Variants in CDH18 observed in about 807,000 individuals in gnomAD.
CDH18 encodes cadherin 18, also known as cadherin-18.
A neutral mutation model predicts 67.9 loss-of-function variants in CDH18; 31 were observed. That is an observed-to-expected ratio of 0.46 (90% CI 0.34 to 0.62). CDH18 has a LOEUF of 0.62. CDH18 is among the 20% of genes least tolerant of loss of function. The probability of loss-of-function intolerance (pLI) is 0.01; values close to 1 mark genes in which losing one functional copy is unlikely to be tolerated. For synonymous variants in CDH18, 362 were observed against 347.2 expected, an observed-to-expected ratio of 1.04 and a Z score of -0.48; for missense variants, 890 against 975.5, an observed-to-expected ratio of 0.91 and a Z score of 1.17.
chr5:19,526,729 A>G lies in CDH18; in HGVS notation c.1391-5951T>C, dbSNP rs1747802623. Among the ~76,000 whole-genome samples, 3 of 152,030 alleles carry G rather than the reference A, an allele frequency of 2.0e-5. No individual in the cohort carries two copies. In the South Asian group the frequency reaches 6.2e-4, roughly 31 times the overall value. On this transcript the variant is annotated intron_variant, in intron 9 of 12. Transcript: ENST00000382275. Reference sequence around the variant, plus strand: ...TTCTAGGGAATTTGGTAGATTTCTAATCTGATTATTCATATTCGAAAATTA... The same window carrying G: ...TTCTAGGGAATTTGGTAGATTTCTAGTCTGATTATTCATATTCGAAAATTA...
chr5:20,135,593 C>T (rs1381591304), intron 2 of CDH18, among the ~76,000 whole-genome samples: 4 of 152,164 alleles, frequency 2.6e-5, no homozygotes, highest in Non-Finnish European at 4.4e-5. Context: ...CTAATTCCTT[C>T]AGTTCAGCTC....
At chr5:20,171,048 TTA>T (rs200258321) in intron 2 of CDH18, among the ~76,000 whole-genome samples, 240 of 107,288 alleles carry the variant, frequency 2.2e-3, no homozygotes, top group South Asian at 3.2e-3. Flanking sequence ...CCTTTTTTTT[TTA>T]TATATATATA....
chr5:20,343,549 C>T (rs1355987263), intron 1 of CDH18, among the ~76,000 whole-genome samples: 5 of 152,098 alleles, frequency 3.3e-5, no homozygotes, highest in African/African-American at 1.2e-4. Context: ...AGACTGGATT[C>T]TCTTTACAGA....
intron 2 of CDH18, among the ~76,000 whole-genome samples, chr5:19,955,473 C>T (rs952093011): frequency 3.3e-5 from 5 of 152,068 alleles, no homozygotes; most frequent in African/African-American, 1.2e-4. Flanking sequence ...ATTTTATTCC[C>T]TTCCCTGTAT....
chr5:19,536,269 T>C (rs768792182), intron 9 of CDH18, among the ~76,000 whole-genome samples: 5 of 152,216 alleles, frequency 3.3e-5, no homozygotes, highest in Non-Finnish European at 5.9e-5. Flanking sequence ...GAAAAGAAAC[T>C]GTACATTTGT....
intron 3 of CDH18, among the ~76,000 whole-genome samples, chr5:19,761,683 T>C (rs1026927282): frequency 4.6e-5 from 7 of 152,126 alleles, no homozygotes; most frequent in Admixed American, 4.6e-4. Flanking sequence ...AATTTATAGA[T>C]TCAATGCCAT....
intron 2 of CDH18, among the ~76,000 whole-genome samples, chr5:20,108,887 G>A (rs1747218588): frequency 6.6e-6 from 1 of 152,154 alleles, no homozygotes; most frequent in Non-Finnish European, 1.5e-5. Context: ...TTCAACCTCT[G>A]TGCCTCAGTT....
intron 12 of CDH18, among the ~76,000 whole-genome samples, chr5:19,481,998 A>G (rs1219559476): frequency 6.6e-6 from 1 of 152,194 alleles, no homozygotes; most frequent in Non-Finnish European, 1.5e-5. Flanking sequence ...TAGTTATAGA[A>G]GCTCTTCATG....
intron 1 of CDH18, among the ~76,000 whole-genome samples, chr5:20,537,061 C>T (rs1344421201): frequency 6.6e-6 from 1 of 152,102 alleles, no homozygotes; most frequent in Admixed American, 6.6e-5. Context: ...GTGTCAGAAC[C>T]TGTTGGGCAA....
chr5:20,073,417 T>A (rs909883372), intron 2 of CDH18, among the ~76,000 whole-genome samples: 2 of 152,022 alleles, frequency 1.3e-5, no homozygotes, highest in Non-Finnish European at 2.9e-5. Context: ...TGCATTCAAG[T>A]CCAGTAGAAT....
intron 1 of CDH18, among the ~76,000 whole-genome samples, chr5:20,512,433 C>A (rs542251594): frequency 1.3e-5 from 2 of 152,210 alleles, no homozygotes; most frequent in Admixed American, 6.5e-5. Context: ...AGTTAAAAAT[C>A]TACAAGTGAT....
chr5:20,011,166 TA>T (rs1248049023), intron 2 of CDH18, among the ~76,000 whole-genome samples: 1 of 152,192 alleles, frequency 6.6e-6, no homozygotes, highest in Admixed American at 6.6e-5. Context: ...TGTAGAGATC[TA>T]TTGCTTCCCT....
chr5:19,990,241 C>T (rs1256208411), upstream of CDH18, among the ~76,000 whole-genome samples: 3 of 152,166 alleles, frequency 2.0e-5, no homozygotes, highest in African/African-American at 2.4e-5. Flanking sequence ...TTAAAATTCA[C>T]GTTATGACAT....
intron 2 of CDH18, among the ~76,000 whole-genome samples, chr5:20,215,597 C>T (rs1740705308): frequency 6.6e-6 from 1 of 151,880 alleles, no homozygotes; most frequent in Admixed American, 6.6e-5. Flanking sequence ...AAATGAGCTA[C>T]CATTTAACTC....
At chr5:19,692,845 T>C (rs1367183192) in intron 5 of CDH18, among the ~76,000 whole-genome samples, 2 of 151,708 alleles carry the variant, frequency 1.3e-5, no homozygotes, top group African/African-American at 4.8e-5. Flanking sequence ...AAAAAAAACT[T>C]AAAAATAAAA....
chr5:20,251,764 G>A (rs1010734487), intron 2 of CDH18, among the ~76,000 whole-genome samples: 3 of 152,078 alleles, frequency 2.0e-5, no homozygotes, highest in African/African-American at 7.2e-5. Flanking sequence ...ATTACCAAAA[G>A]GAAAGATCCG....
At chr5:20,430,091 G>A (rs771227745) in intron 1 of CDH18, among the ~76,000 whole-genome samples, 3 of 152,086 alleles carry the variant, frequency 2.0e-5, no homozygotes, top group Non-Finnish European at 2.9e-5. Flanking sequence ...AACACTCTAC[G>A]AATATTTTTA....
In CDH18 at chr5:19,473,414, C is replaced by T. The variant is rs138129088; in HGVS notation, c.2185G>A (p.Val729Ile). The T allele has an allele frequency of 5.2e-4, 839 of 1,613,722 alleles. 7 individuals carry two copies. The African/African-American group carries it at 8.3e-3, about 16-fold the overall frequency. Residue 729 changes from valine to isoleucine, a missense_variant, in exon 13 of 13, where the codon GTT becomes ATT. By Grantham distance (29) the Val-to-Ile change is conservative. Transcript: ENST00000382275. ...GTCTGAAGAGAGTCATAAGGGGGAA[C>T]GCTAGGGTCTAGGTCTGCTTCTGCC... is the stretch of plus-strand genomic sequence containing the variant. Reference protein sequence around the residue: ...RLAEADLDPSVPPYDSLQTYA... With the variant: ...RLAEADLDPSIPPYDSLQTYA...
chr5:20,324,328 A>G (rs1428543275), intron 1 of CDH18, among the ~76,000 whole-genome samples: 1 of 152,160 alleles, frequency 6.6e-6, no homozygotes, highest in Admixed American at 6.5e-5. Flanking sequence ...TCACGAGGTC[A>G]GGAGATGGAG....
Sources: allele counts gnomAD v4.1 joint callset (sites outside exome capture counted in the v4.1 genomes callset), GRCh38; gene constraint gnomAD v4.1.1; transcripts MANE v1.5; gene names NCBI Gene and HGNC (gene_info 2026-07-23, HGNC 2026-07-21).